The following KHDRBS2 variants were observed in gnomAD, a reference collection of about 807,000 sequenced individuals.
KHDRBS2 encodes KH RNA binding domain containing, signal transduction associated 2.
A neutral mutation model predicts 44.3 loss-of-function variants in KHDRBS2; 26 were observed. The ratio of observed to expected loss-of-function variants is 0.59; its 90% CI spans 0.43 to 0.81. The LOEUF (loss-of-function observed/expected upper bound fraction) is 0.81, where lower values mean the gene tolerates loss of function less well. KHDRBS2 is among the 40% of genes least tolerant of loss of function. The probability of loss-of-function intolerance (pLI) is 0.00; values close to 1 mark genes in which losing one functional copy is unlikely to be tolerated. For synonymous variants in KHDRBS2, 194 were observed against 151.1 expected (o/e 1.28, Z -2.08); for missense variants, 476 against 433.1 (o/e 1.10, Z -0.88).
At chr6:61,682,194 G>T (rs1766379855) in intron 8 of KHDRBS2, among the ~76,000 whole-genome samples, 2 of 151,850 alleles carry the variant, frequency 1.3e-5, no homozygotes, top group South Asian at 2.1e-4. Context: ...AATTTCAATT[G>T]TACTCATTAT....
chr6:61,916,961 C>G (rs1807118340), intron 4 of KHDRBS2, among the ~76,000 whole-genome samples: 1 of 116,404 alleles, frequency 8.6e-6, no homozygotes, highest in Non-Finnish European at 1.8e-5. Context: ...AACAGGAACT[C>G]TGTATTTTTT....
At chr6:61,813,581 C>T (rs1788453694) in intron 6 of KHDRBS2, among the ~76,000 whole-genome samples, 1 of 152,090 alleles carries the variant, frequency 6.6e-6, no homozygotes, top group Non-Finnish European at 1.5e-5. Flanking sequence ...ATAGTTTTTG[C>T]ATGTCATTTG....
intron 6 of KHDRBS2, among the ~76,000 whole-genome samples, chr6:61,848,485 ATATATGTATATATATATATATATATG>A (rs1175189183): frequency 4.3e-5 from 2 of 46,118 alleles, no homozygotes; most frequent in African/African-American, 1.5e-4. Flanking sequence ...ATATATATAT[ATATATGTATATATATATATATATATG>A]TATATATGTA....
rs190507215 is a variant in KHDRBS2, at chr6:61,729,383, C to A, written c.893+3299G>T. 1.1e-3 allele frequency among the ~76,000 whole-genome samples: 162 copies of A among 152,126 alleles called. 2 individuals carry two copies. The highest frequency in any genetic ancestry group is 5.2e-3 in the South Asian group (25 of 4,822). ...AGAACTGATGGTACGAGGCTTAATA[C>A]CTGGGTGATGAAATAATCTGCACAA... is the stretch of plus-strand genomic sequence containing the variant. On this transcript the variant is annotated intron_variant, in intron 7 of 8. Transcript: ENST00000281156.
At position 61,706,959 on chromosome 6, in the gene KHDRBS2, C is replaced by CAA. The variant is rs1030211291; in HGVS notation, c.894-9708_894-9707dup. ...ACAAAAACAAAAACAAAAACAAAAACAAAACAGTTATAAGTGCTAAGGAGA... is the reference window on the plus strand; with the variant it reads ...ACAAAAACAAAAACAAAAACAAAAACAAAAAACAGTTATAAGTGCTAAGGAGA... On this transcript the variant is annotated intron_variant, in intron 7 of 8. Coordinates refer to ENST00000281156, the MANE Select transcript of KHDRBS2 (RefSeq NM_152688.4). 1.1e-3 allele frequency among the ~76,000 whole-genome samples: 168 copies of CAA among 151,140 alleles called. 1 individual carries two copies. Among genetic ancestry groups the CAA allele is most frequent in the African/African-American group, 4.0e-3 (163 of 41,234 alleles).
chr6:62,038,601 T>G (rs992692348), intron 3 of KHDRBS2, among the ~76,000 whole-genome samples: 1 of 152,104 alleles, frequency 6.6e-6, no homozygotes, highest in Non-Finnish European at 1.5e-5. Flanking sequence ...ATTCAGAATC[T>G]AAATTACTGC....
chr6:61,803,035 G>A (rs1015883096), intron 6 of KHDRBS2, among the ~76,000 whole-genome samples: 1 of 152,188 alleles, frequency 6.6e-6, no homozygotes, highest in African/African-American at 2.4e-5. Context: ...ATTGGCCTAA[G>A]CATTTTGACA....
intron 3 of KHDRBS2, among the ~76,000 whole-genome samples, chr6:62,040,274 T>A (rs1050392844): frequency 2.0e-5 from 3 of 151,660 alleles, no homozygotes; most frequent in African/African-American, 7.3e-5. Context: ...CACACACCCG[T>A]CTAGAAATGA....
intron 6 of KHDRBS2, among the ~76,000 whole-genome samples, chr6:61,869,071 G>A (rs1314637157): frequency 6.6e-6 from 1 of 152,126 alleles, no homozygotes; most frequent in East Asian, 1.9e-4. Context: ...TGCTTCCCTT[G>A]GCTGGGGAGG....
At chr6:61,706,073 T>G (rs1561997775) in intron 7 of KHDRBS2, among the ~76,000 whole-genome samples, 1 of 151,798 alleles carries the variant, frequency 6.6e-6, no homozygotes, top group African/African-American at 2.4e-5. Context: ...TATTGGAACT[T>G]CTGTGCTTTA....
At chr6:62,127,294 A>G (rs542400745) in intron 2 of KHDRBS2, among the ~76,000 whole-genome samples, 1 of 152,322 alleles carries the variant, frequency 6.6e-6, no homozygotes, top group Non-Finnish European at 1.5e-5. Flanking sequence ...CAATTTACGT[A>G]TCAAGCCCTA....
At chr6:61,554,619 C>T in the KHDRBS2 span, among the ~76,000 whole-genome samples, 2 of 152,158 alleles carry the variant, frequency 1.3e-5, no homozygotes, top group East Asian at 1.9e-4. Context: ...GACCTATGTA[C>T]TTGTGTGTTT....
At chr6:62,023,457 T>G (rs1782707132) in intron 3 of KHDRBS2, among the ~76,000 whole-genome samples, 1 of 151,640 alleles carries the variant, frequency 6.6e-6, no homozygotes, top group Non-Finnish European at 1.5e-5. Flanking sequence ...TTTTTCATAC[T>G]AAATTAACAT....
chr6:61,850,526 T>C (rs1260216669), intron 6 of KHDRBS2, among the ~76,000 whole-genome samples: 1 of 152,220 alleles, frequency 6.6e-6, no homozygotes, highest in Admixed American at 6.5e-5. Flanking sequence ...TCATGTGATG[T>C]TGCTATGGTA....
intron 2 of KHDRBS2, among the ~76,000 whole-genome samples, chr6:62,154,884 G>A (rs1315295650): frequency 6.6e-6 from 1 of 152,164 alleles, no homozygotes; most frequent in Non-Finnish European, 1.5e-5. Flanking sequence ...CAATTCAAGG[G>A]AAGAAGGGAC....
chr6:62,177,535 T>C (rs114277192), intron 1 of KHDRBS2, among the ~76,000 whole-genome samples: 39 of 122,414 alleles, frequency 3.2e-4, no homozygotes, highest in African/African-American at 9.6e-4. Context: ...AAAGCGATAA[T>C]TGAAGATGTG....
At chr6:61,592,393 A>G in the KHDRBS2 span, among the ~76,000 whole-genome samples, 2 of 152,270 alleles carry the variant, frequency 1.3e-5, no homozygotes, top group South Asian at 4.1e-4. Flanking sequence ...AGGAGAAACA[A>G]AGGTAAGGCC....
intron 1 of KHDRBS2, among the ~76,000 whole-genome samples, chr6:62,181,201 A>G (rs1822210721): frequency 6.6e-6 from 1 of 151,836 alleles, no homozygotes. Flanking sequence ...AAGTGGGATT[A>G]TATCAAACAA....
At chr6:61,629,939 G>A in the KHDRBS2 span, among the ~76,000 whole-genome samples, 2 of 152,144 alleles carry the variant, frequency 1.3e-5, no homozygotes, top group African/African-American at 4.8e-5. Flanking sequence ...TAATCTTGTA[G>A]TTCTTCTATA....
Sources: allele counts gnomAD v4.1 joint callset (sites outside exome capture counted in the v4.1 genomes callset), GRCh38; gene constraint gnomAD v4.1.1; transcripts MANE v1.5; gene names NCBI Gene and HGNC (gene_info 2026-07-23, HGNC 2026-07-21).